Variants in MCTP1 observed in about 807,000 individuals in gnomAD.
MCTP1 encodes multiple C2 and transmembrane domain-containing protein 1.
A neutral mutation model predicts 120.6 loss-of-function variants in MCTP1; 69 were observed. The observed-to-expected ratio is 0.57, with a 90% CI of 0.47 to 0.70. The LOEUF (loss-of-function observed/expected upper bound fraction) is 0.70. Among genes scored for constraint, MCTP1 ranks in the 30% least tolerant of loss-of-function variants. The pLI is 0.00. For synonymous variants in MCTP1, 529 were observed against 493.1 expected (o/e 1.07, Z -0.96); for missense variants, 1,203 against 1,248.8 (o/e 0.96, Z 0.55).
chr5:94,873,389 A>T lies in MCTP1; in HGVS notation c.1934-148T>A, dbSNP rs1023334202. ...TTAAAAATTAAAAAAAGAAACCACC[A>T]TCAAAATAGAGTTAGATGTAACTGG... On this transcript the variant is annotated intron_variant, in intron 12 of 22. Coordinates refer to ENST00000515393, the MANE Select transcript of MCTP1 (RefSeq NM_024717.7). 7.9e-6 allele frequency: 4 copies of T among 507,466 alleles called. No individual in the cohort carries two copies. The highest frequency in any genetic ancestry group is 1.4e-5 in the Non-Finnish European group (4 of 291,284). The allele number at this position is 507,466 out of a possible 1,614,324, so 31.4% of individuals were successfully genotyped here. A position where few individuals can be genotyped will look rare whatever the true frequency, so the allele number is the denominator to read the frequency against.
chr5:94,713,897 T>C (rs909290763), intron 20 of MCTP1, among the ~76,000 whole-genome samples: 1 of 152,166 alleles, frequency 6.6e-6, no homozygotes, highest in Non-Finnish European at 1.5e-5. Context: ...TTCAAATCTG[T>C]AGAAAACTTC....
At chr5:95,013,081 A>G (rs1836351252) in intron 2 of MCTP1, among the ~76,000 whole-genome samples, 1 of 152,154 alleles carries the variant, frequency 6.6e-6, no homozygotes, top group African/African-American at 2.4e-5. Flanking sequence ...ACCCAGCCTC[A>G]CTGCTGATAT....
At chr5:95,262,107 G>T (rs1357317425) in intron 1 of MCTP1, among the ~76,000 whole-genome samples, 2 of 152,300 alleles carry the variant, frequency 1.3e-5, no homozygotes, top group Non-Finnish European at 2.9e-5. Context: ...TGTCCCAGCA[G>T]CCAGAGTATG....
At chr5:95,221,405 T>A (rs2152611311) in intron 1 of MCTP1, among the ~76,000 whole-genome samples, 1 of 152,326 alleles carries the variant, frequency 6.6e-6, no homozygotes, top group South Asian at 2.1e-4. Context: ...TGGGCAGGTT[T>A]TGCACAGGGA....
At chr5:95,130,227 T>C (rs1008450076) in intron 1 of MCTP1, among the ~76,000 whole-genome samples, 1 of 152,140 alleles carries the variant, frequency 6.6e-6, no homozygotes, top group African/African-American at 2.4e-5. Flanking sequence ...TCTATGTAAA[T>C]CCTATTGATT....
chr5:95,239,983 G>T (rs989004469), intron 1 of MCTP1, among the ~76,000 whole-genome samples: 1 of 151,804 alleles, frequency 6.6e-6, no homozygotes, highest in African/African-American at 2.4e-5. Context: ...TTCTATATGG[G>T]TTAACGATTC....
chr5:94,805,855 C>G (rs539780189), intron 17 of MCTP1, among the ~76,000 whole-genome samples: 5 of 144,054 alleles, frequency 3.5e-5, no homozygotes, highest in Non-Finnish European at 6.1e-5. Context: ...GCTGTTCCCA[C>G]GAAGCTCCAC....
chr5:95,089,330 T>C (rs1441709483), intron 1 of MCTP1, among the ~76,000 whole-genome samples: 1 of 152,152 alleles, frequency 6.6e-6, no homozygotes, highest in African/African-American at 2.4e-5. Context: ...ATTCCAGAGT[T>C]TAATTTGAAA....
chr5:94,715,391 A>C (rs1043112466), intron 19 of MCTP1, among the ~76,000 whole-genome samples: 4 of 118,274 alleles, frequency 3.4e-5, no homozygotes, highest in Non-Finnish European at 5.5e-5. Flanking sequence ...AAAAAAAAAC[A>C]CCACCACCAA....
chr5:94,915,708 C>CT (rs1031041019), intron 8 of MCTP1, among the ~76,000 whole-genome samples: 26 of 151,898 alleles, frequency 1.7e-4, no homozygotes, highest in Non-Finnish European at 3.1e-4. Flanking sequence ...ATGAACTTGG[C>CT]TTACAGAGTG....
intron 17 of MCTP1, among the ~76,000 whole-genome samples, chr5:94,864,406 G>A (rs1796410623): frequency 1.3e-5 from 2 of 151,760 alleles, no homozygotes; most frequent in Non-Finnish European, 2.9e-5. Flanking sequence ...TTTTGATAAT[G>A]CACATCTTAA....
chr5:95,204,441 T>G (rs965244976), intron 1 of MCTP1, among the ~76,000 whole-genome samples: 1 of 152,172 alleles, frequency 6.6e-6, no homozygotes, highest in Non-Finnish European at 1.5e-5. Context: ...GGATGAATAC[T>G]TCCCCCTGAC....
rs1411228121 is a variant in MCTP1 at position 95,284,094 on chromosome 5, G to A, written c.482C>T (p.Ser161Phe). 3.2e-6 allele frequency: 5 copies of A among 1,550,996 alleles called. No individual in the cohort carries two copies. Among genetic ancestry groups the A allele is most frequent in the Non-Finnish European group, 4.4e-6 (5 of 1,147,066 alleles). Residue 161 changes from serine to phenylalanine, a missense_variant, in exon 1 of 23, where the codon TCC becomes TTC. Coordinates refer to ENST00000515393, the MANE Select transcript of MCTP1 (RefSeq NM_024717.7). This position sits in a 1 kb window ranked among gnomAD's most constrained non-coding sequence, Gnocchi z 5.2. Reference sequence around the variant, plus strand: ...CGAGGAGGACAGGGAGGATGAGGCGGAGGAAGAGGAAGGAGCTGAGTCGGG... The same window carrying A: ...CGAGGAGGACAGGGAGGATGAGGCGAAGGAAGAGGAAGGAGCTGAGTCGGG... ...RSPDSAPSSS[S>F]ASSSLSSSPQ...
At chr5:94,989,564 G>T (rs1319163910) in intron 2 of MCTP1, among the ~76,000 whole-genome samples, 1 of 152,160 alleles carries the variant, frequency 6.6e-6, no homozygotes, top group African/African-American at 2.4e-5. Context: ...TTAGTCCCCA[G>T]TCTGACACAA....
intron 17 of MCTP1, among the ~76,000 whole-genome samples, chr5:94,830,319 A>G (rs1270610671): frequency 3.3e-5 from 5 of 152,248 alleles, no homozygotes; most frequent in African/African-American, 4.8e-5. Flanking sequence ...GCTATCCCTG[A>G]CATTTGTATT....
intron 1 of MCTP1, among the ~76,000 whole-genome samples, chr5:95,039,624 C>T (rs576410093): frequency 2.2e-4 from 33 of 152,130 alleles, no homozygotes; most frequent in Middle Eastern, 6.8e-3. Flanking sequence ...GTAAACAAGT[C>T]TGTGATAGAG....
At chr5:94,869,317 A>G (rs1259749818) in intron 16 of MCTP1, among the ~76,000 whole-genome samples, 2 of 152,052 alleles carry the variant, frequency 1.3e-5, no homozygotes, top group African/African-American at 4.8e-5. Context: ...GTAGCTATGT[A>G]AAGTTTACTG....
intron 19 of MCTP1, among the ~76,000 whole-genome samples, chr5:94,728,562 C>T (rs1762550311): frequency 6.6e-6 from 1 of 152,076 alleles, no homozygotes; most frequent in Non-Finnish European, 1.5e-5. Flanking sequence ...AGTCATGTGA[C>T]CTCTCAGATA....
chr5:95,237,346 A>G (rs1337728989), intron 1 of MCTP1, among the ~76,000 whole-genome samples: 3 of 152,244 alleles, frequency 2.0e-5, no homozygotes. Flanking sequence ...AAAAGTAACC[A>G]TTAAAAGTAA....
Sources: gnomAD v4.1 joint callset for allele counts (sites outside exome capture counted in the v4.1 genomes callset) on GRCh38, gnomAD v4.1.1 for gene constraint, Gnocchi (gnomAD v3.1) non-coding constraint, MANE v1.5 for transcripts, NCBI Gene and HGNC (gene_info 2026-07-23, HGNC 2026-07-21) for gene names.